The following STK32B variants were observed in gnomAD, a reference collection of about 807,000 sequenced individuals.
STK32B encodes the protein serine/threonine-protein kinase 32B.
Under a neutral mutation model 52.6 loss-of-function variants are expected in STK32B, and 43 were observed. The ratio of observed to expected loss-of-function variants is 0.82; its 90% CI spans 0.64 to 1.05. The LOEUF is 1.05. STK32B is among the 50% of genes least tolerant of loss of function. The pLI is 0.00. For synonymous variants in STK32B, 238 were observed against 204.3 expected (o/e 1.17, Z -1.41); for missense variants, 621 against 534.6 (o/e 1.16, Z -1.59).
At chr4:5,477,994 G>A (rs562285608) in intron 11 of STK32B, among the ~76,000 whole-genome samples, 6 of 152,232 alleles carry the variant, frequency 3.9e-5, no homozygotes, top group East Asian at 3.9e-4. Flanking sequence ...CCTCACCTCC[G>A]AGTCTAGGGA....
At chr4:5,403,568 A>G (rs758581999) in intron 5 of STK32B, among the ~76,000 whole-genome samples, 3 of 152,196 alleles carry the variant, frequency 2.0e-5, no homozygotes, top group Non-Finnish European at 4.4e-5. Flanking sequence ...CACATTTTCT[A>G]TTAATACACT....
intron 4 of STK32B, among the ~76,000 whole-genome samples, chr4:5,371,042 ATG>A (rs976048781): frequency 1.9e-4 from 28 of 149,296 alleles, no homozygotes; most frequent in East Asian, 5.8e-4. Flanking sequence ...ATGTATATAT[ATG>A]TGTGTGTGTG....
intron 1 of STK32B, among the ~76,000 whole-genome samples, chr4:5,066,487 A>G (rs371402794): frequency 5.9e-5 from 9 of 152,128 alleles, no homozygotes; most frequent in South Asian, 2.1e-4. Flanking sequence ...CATTTTTTCA[A>G]TGGCTTCCAT....
intron 8 of STK32B, 149 bp from the exon 9 acceptor site, chr4:5,459,954 T>G: frequency 8.4e-7 from 1 of 1,195,398 alleles, no homozygotes. Flanking sequence ...AGATGGCGCT[T>G]CCAACAACAG....
intron 3 of STK32B, among the ~76,000 whole-genome samples, chr4:5,212,346 A>G (rs1722955641): frequency 6.6e-6 from 1 of 152,208 alleles, no homozygotes. Context: ...TGCAAGTAAT[A>G]TTCAGATGTG....
chr4:5,156,329 C>T (rs899577360), intron 2 of STK32B, among the ~76,000 whole-genome samples: 1 of 151,886 alleles, frequency 6.6e-6, no homozygotes, highest in African/African-American at 2.4e-5. Flanking sequence ...TAACAATTAA[C>T]CAATCAACAG....
At chr4:5,140,223 G>C (rs1267543768) in intron 2 of STK32B, 1 of 1,472,496 alleles carries the variant, frequency 6.8e-7, no homozygotes, top group African/African-American at 1.4e-5. Flanking sequence ...TGTTCCTTGA[G>C]AATCTAAGTG....
intron 3 of STK32B, among the ~76,000 whole-genome samples, chr4:5,260,977 T>G (rs574077035): frequency 6.6e-6 from 1 of 152,174 alleles, no homozygotes; most frequent in South Asian, 2.1e-4. Flanking sequence ...GGCCAGGCCT[T>G]TATGCACCCA....
chr4:5,251,153 G>A (rs56299571), intron 3 of STK32B, among the ~76,000 whole-genome samples: 13,255 of 152,106 alleles, frequency 0.087, 901 homozygotes, highest in African/African-American at 0.19. Context: ...CTAGAATGCT[G>A]TTTCCTAGGT....
At chr4:5,138,745 TCGTAGGGAGCCAGA>T (rs1404321709) in intron 1 of STK32B, among the ~76,000 whole-genome samples, 1 of 152,080 alleles carries the variant, frequency 6.6e-6, no homozygotes, top group Non-Finnish European at 1.5e-5. Context: ...TGAGAATGTA[TCGTAGGGAGCCAGA>T]CGTAGTCTGG....
At chr4:5,129,904 T>C (rs1457924104) in intron 1 of STK32B, among the ~76,000 whole-genome samples, 2 of 152,178 alleles carry the variant, frequency 1.3e-5, no homozygotes, top group East Asian at 1.9e-4. Context: ...TAAATATTTA[T>C]TGAGTGCCTA....
chr4:5,412,962 C>A (rs1001661751), intron 5 of STK32B, among the ~76,000 whole-genome samples: 2 of 152,146 alleles, frequency 1.3e-5, no homozygotes, highest in Admixed American at 6.5e-5. Flanking sequence ...CCTTCCTGAG[C>A]TCCTTTCCTA....
chr4:5,218,117 T>G (rs1228949799), intron 3 of STK32B, among the ~76,000 whole-genome samples: 1 of 152,154 alleles, frequency 6.6e-6, no homozygotes. Flanking sequence ...CCATTCAAGA[T>G]CCAGTCCTGG....
chr4:5,394,728 C>A lies in STK32B; in HGVS notation c.435-3479C>A, dbSNP rs1400816345. Among the ~76,000 whole-genome samples the A allele has an allele frequency of 2.0e-5, 3 of 152,214 alleles. No homozygotes were observed. The highest frequency in any genetic ancestry group is 7.2e-5 in the African/African-American group (3 of 41,446). On this transcript the variant is annotated intron_variant, in intron 4 of 11. Coordinates refer to ENST00000282908, the MANE Select transcript of STK32B (RefSeq NM_018401.3). This position sits in a 1 kb window ranked among gnomAD's most constrained non-coding sequence, Gnocchi z 4.2. ...GTGAAGTGCTGAACAAATGTCATCT[C>A]ATTGTACACTCAGCAACAGTGAGAT...
At chr4:5,495,616 T>TG (rs1364494472) in intron 11 of STK32B, among the ~76,000 whole-genome samples, 3 of 152,222 alleles carry the variant, frequency 2.0e-5, no homozygotes, top group Non-Finnish European at 4.4e-5. Flanking sequence ...CCGTTGCTGG[T>TG]GAGGAGCTGC....
chr4:5,130,255 G>C (rs571490225), intron 1 of STK32B, among the ~76,000 whole-genome samples: 3 of 151,984 alleles, frequency 2.0e-5, no homozygotes, highest in African/African-American at 7.2e-5. Context: ...CAGGGCAAAG[G>C]CTCTATGATA....
At chr4:5,462,671 G>A (rs1027158812) in intron 9 of STK32B, among the ~76,000 whole-genome samples, 3 of 152,188 alleles carry the variant, frequency 2.0e-5, no homozygotes, top group African/African-American at 7.2e-5. Context: ...ACAGTGCACA[G>A]CCCCCACTGC....
chr4:5,309,625 A>G (rs1375123527), intron 3 of STK32B, among the ~76,000 whole-genome samples: 1 of 152,190 alleles, frequency 6.6e-6, no homozygotes, highest in Non-Finnish European at 1.5e-5. Flanking sequence ...AATAACATTT[A>G]CAGGGGAGAA....
At chr4:5,432,082 G>A (rs991301285) in intron 6 of STK32B, among the ~76,000 whole-genome samples, 21 of 152,160 alleles carry the variant, frequency 1.4e-4, no homozygotes, top group African/African-American at 4.6e-4. Flanking sequence ...AACTTACTTT[G>A]TGTCAATCTC....
Sources: gnomAD v4.1 joint callset for allele counts (sites outside exome capture counted in the v4.1 genomes callset) on GRCh38, gnomAD v4.1.1 for gene constraint, Gnocchi (gnomAD v3.1) non-coding constraint, MANE v1.5 for transcripts, NCBI Gene and HGNC (gene_info 2026-07-23, HGNC 2026-07-21) for gene names.